CD81: variants seen among roughly 807,000 people sequenced by gnomAD.
CD81 encodes the protein CD81 antigen.
Under a neutral mutation model 30.1 loss-of-function variants are expected in CD81, and 10 were observed. That is an observed-to-expected ratio of 0.33 (90% confidence interval 0.21 to 0.56). The LOEUF (loss-of-function observed/expected upper bound fraction) is 0.56, where lower values mean the gene tolerates loss of function less well. Ranked by LOEUF, CD81 falls within the 20% of genes least tolerant of loss-of-function variation. The pLI is 0.89. For missense variants in CD81, 263 were observed against 308.7 expected (o/e 0.85, Z 1.11); for synonymous variants, 147 against 126.4 (o/e 1.16, Z -1.10).
At chr11:2,395,107 C>T (rs1207993709) in intron 4 of CD81, 61 bp downstream of exon 4, 25 of 1,417,204 alleles carry the variant, frequency 1.8e-5, no homozygotes, top group East Asian at 2.3e-5. Context: ...CCTCTCCTGT[C>T]GCGGGTGGGG....
rs1391583815 is a variant in CD81, at chr11:2,397,068, A to G, written c.*202A>G. The G allele has an allele frequency of 4.8e-6, 3 of 625,164 alleles. No individual in the cohort carries two copies. The highest frequency in any genetic ancestry group is 5.8e-6 in the Non-Finnish European group (2 of 347,584). 38.7% of individuals were successfully genotyped at this position (625,164 alleles called of 1,614,324 possible). On this transcript the variant is annotated 3_prime_UTR_variant, in exon 8 of 8. Coordinates refer to ENST00000263645, the MANE Select transcript of CD81 (RefSeq NM_004356.4). ...CTGACGTCACATGTAGGTGGCGTGT[A>G]TGAGTGGAGACGGGCCTGGGTCTTG...
chr11:2,393,780 G>A, intron 2 of CD81: 1 of 612,470 alleles, frequency 1.6e-6, no homozygotes, highest in Non-Finnish European at 2.9e-6. Context: ...TGGTGGGTGT[G>A]GCAGGTGGCG....
At chr11:2,392,667 C>G (rs1363035672) in intron 2 of CD81, 1 of 152,344 alleles carries the variant, frequency 6.6e-6, no homozygotes, top group Non-Finnish European at 1.5e-5. Context: ...CCTTCTGGAG[C>G]CTCTTGCTGT....
At chr11:2,395,081 G>C in intron 4 of CD81, 35 bp downstream of exon 4, 1 of 1,552,770 alleles carries the variant, frequency 6.4e-7, no homozygotes, top group Non-Finnish European at 8.9e-7. Context: ...GGTGGGGTGG[G>C]TGACGGGGGC....
rs1004217893 is a variant in CD81, at chr11:2,378,645, G to A, written c.66+1030G>A. ...AATCCCTTCTTGGCCTGGAAGGACT[G>A]GAGTGGGTGTCCATGGCCGCGGCCT... On this transcript the variant is annotated intron_variant, in intron 1 of 7. Transcript: ENST00000263645. The surrounding 1 kb of genome is among the most constrained non-coding windows in gnomAD (Gnocchi z 4.9). 3.3e-5 allele frequency among the ~76,000 whole-genome samples: 5 copies of A among 152,220 alleles called. No homozygotes were observed. In the East Asian group the frequency reaches 9.7e-4, roughly 29 times the overall value.
chr11:2,383,214 C>T lies in CD81; in HGVS notation c.66+5599C>T, dbSNP rs552981453. On this transcript the variant is annotated intron_variant, in intron 1 of 7. Coordinates refer to ENST00000263645, the MANE Select transcript of CD81 (RefSeq NM_004356.4). ...CCTGGCCTAGGAGAGAATTCCTGCT[C>T]CTCTTCCCTCCATGCTGCCTTTTCG... 5.3e-5 allele frequency among the ~76,000 whole-genome samples: 8 copies of T among 152,294 alleles called. No homozygotes were observed. In the East Asian group the frequency reaches 1.5e-3, roughly 29 times the overall value.
Position 2,378,129 on chromosome 11 carries a change from C to T in CD81, c.66+514C>T, listed in dbSNP as rs1849631953. The stretch of plus-strand genomic sequence containing the variant: ...CACTTTGCCGGAGGTTGGGGGCGAT[C>T]CGCCTCACTCTTTCCCCAGCCCAGC... On this transcript the variant is annotated intron_variant, in intron 1 of 7. Coordinates refer to ENST00000263645, the MANE Select transcript of CD81 (RefSeq NM_004356.4). The surrounding 1 kb of genome is among the most constrained non-coding windows in gnomAD (Gnocchi z 4.9). 6.6e-6 allele frequency: 1 copy of T among 152,138 alleles called. No individual in the cohort carries two copies. Among genetic ancestry groups the T allele is most frequent in the African/African-American group, 2.4e-5 (1 of 41,420 alleles). The allele number at this position is 152,138 out of a possible 1,614,324, so 9.4% of individuals were successfully genotyped here. A position where few individuals can be genotyped will look rare whatever the true frequency, so the allele number is the denominator to read the frequency against.
chr11:2,376,652 G>A (rs1025068593), upstream of CD81, among the ~76,000 whole-genome samples: 2 of 152,138 alleles, frequency 1.3e-5, no homozygotes, highest in Non-Finnish European at 2.9e-5. Flanking sequence ...CTGGCCTCCT[G>A]GACACTTCAC....
At chr11:2,395,603 C>G in intron 5 of CD81, 83 bp downstream of exon 5, 2 of 1,096,666 alleles carry the variant, frequency 1.8e-6, no homozygotes, top group Non-Finnish European at 2.8e-6. Context: ...ATCCTGCCTA[C>G]GCCCAGACCT....
chr11:2,393,530 T>C (rs1161403087), intron 2 of CD81: 1 of 277,386 alleles, frequency 3.6e-6, no homozygotes, highest in East Asian at 7.5e-5. Context: ...GTAACGGAAG[T>C]GCTGCTGTGC....
intron 1 of CD81, among the ~76,000 whole-genome samples, chr11:2,387,728 T>A (rs910486987): frequency 2.6e-5 from 4 of 152,202 alleles, no homozygotes; most frequent in Non-Finnish European, 5.9e-5. Context: ...GCCACATGGC[T>A]TCCAGCGCTG....
At chr11:2,393,796 C>T (rs1849945652) in intron 2 of CD81, 7 of 615,004 alleles carry the variant, frequency 1.1e-5, no homozygotes, top group Non-Finnish European at 1.8e-5. Flanking sequence ...TGGCGGGCCC[C>T]ACCGCAGGTG....
chr11:2,384,695 C>A, intron 1 of CD81: 1 of 188,326 alleles, frequency 5.3e-6, no homozygotes, highest in Non-Finnish European at 1.2e-5. Context: ...GAGCTTTGAG[C>A]AGGGAGGTGC....
chr11:2,396,542 G>A (rs1332409545), intron 6 of CD81, 86 bp from the exon 7 acceptor site: 3 of 1,167,764 alleles, frequency 2.6e-6, no homozygotes, highest in Non-Finnish European at 3.8e-6. Context: ...TACGCTTTCT[G>A]TGGTGACCAC....
intron 1 of CD81, among the ~76,000 whole-genome samples, chr11:2,380,471 T>G (rs1849686144): frequency 6.6e-6 from 1 of 152,174 alleles, no homozygotes; most frequent in African/African-American, 2.4e-5. Flanking sequence ...ACACTCTTGC[T>G]GTCTCCCTTC....
At chr11:2,390,274 ACC>A in intron 1 of CD81, 136 bp from the exon 2 acceptor site, 1 of 771,312 alleles carries the variant, frequency 1.3e-6, no homozygotes, top group South Asian at 1.4e-5. Flanking sequence ...CATTGCGAAA[ACC>A]AGCAGCAGAG....
At chr11:2,393,160 G>C (rs1211602128) in intron 2 of CD81, 1 of 152,696 alleles carries the variant, frequency 6.5e-6, no homozygotes, top group African/African-American at 2.4e-5. Flanking sequence ...GCTGCGAGGA[G>C]GGGGCCTGGG....
At chr11:2,392,161 G>A (rs1849911367) in intron 2 of CD81, 1 of 152,294 alleles carries the variant, frequency 6.6e-6, no homozygotes, top group South Asian at 2.1e-4. Context: ...AGGTGTTCTT[G>A]GAAGGGGTCA....
chr11:2,385,092 G>A (rs1185529883), intron 1 of CD81, among the ~76,000 whole-genome samples: 4 of 152,256 alleles, frequency 2.6e-5, no homozygotes, highest in African/African-American at 4.8e-5. Flanking sequence ...GCTCTGCCTC[G>A]GAAGAAGTTA....
Sources: allele counts gnomAD v4.1 joint callset (sites outside exome capture counted in the v4.1 genomes callset), GRCh38; gene constraint gnomAD v4.1.1; non-coding constraint Gnocchi (gnomAD v3.1); transcripts MANE v1.5; gene names NCBI Gene and HGNC (gene_info 2026-07-23, HGNC 2026-07-21).